UBR3: variants seen among roughly 807,000 people sequenced by gnomAD.
UBR3 encodes the protein E3 ubiquitin-protein ligase UBR3.
Under a neutral mutation model 243.2 loss-of-function variants are expected in UBR3, and 85 were observed. That is an observed-to-expected ratio of 0.35 (90% CI 0.29 to 0.42). The LOEUF is 0.42. Among genes scored for constraint, UBR3 ranks in the 10% least tolerant of loss-of-function variants. The pLI is 1.00. For synonymous variants in UBR3, 748 were observed against 799.8 expected (o/e 0.94, Z 1.09); for missense variants, 1,686 against 2,300.8 (o/e 0.73, Z 5.47).
rs1164239995 is a variant in UBR3 at position 169,896,750 on chromosome 2, T to C, written c.1465+15T>C. ...TGAGCTACAAGGTAACTCAGAATTA[T>C]ATTCACTAGTTCTATTATTATCAGT... On this transcript the variant is annotated intron_variant, in intron 8 of 38. Transcript: ENST00000272793. 2 of 1,511,934 alleles carry C rather than the reference T, an allele frequency of 1.3e-6. No homozygotes were observed. Among genetic ancestry groups the C allele is most frequent in the African/African-American group, 1.4e-5 (1 of 72,222 alleles). 93.7% of individuals were successfully genotyped at this position (1,511,934 alleles called of 1,614,324 possible).
intron 28 of UBR3, among the ~76,000 whole-genome samples, chr2:170,007,900 C>G (rs973772323): frequency 6.6e-6 from 1 of 151,650 alleles, no homozygotes; most frequent in African/African-American, 2.4e-5. Context: ...AAAAAACAAG[C>G]TATATATACT....
intron 8 of UBR3, 141 bp downstream of exon 8, chr2:169,896,876 T>C: frequency 1.8e-6 from 1 of 562,870 alleles, no homozygotes; most frequent in East Asian, 3.4e-5. Flanking sequence ...GTGAACTTTG[T>C]ATAACTAGTC....
rs2083585097 is a variant in UBR3 at position 169,875,782 on chromosome 2, T to C, written c.686-9T>C. 2 of 1,500,374 alleles carry C rather than the reference T, an allele frequency of 1.3e-6. No homozygotes were observed. The highest frequency in any genetic ancestry group is 1.8e-6 in the Non-Finnish European group (2 of 1,128,908). 92.9% of individuals were successfully genotyped at this position (1,500,374 alleles called of 1,614,324 possible). On this transcript the variant is annotated splice_polypyrimidine_tract_variant and intron_variant, in intron 2 of 38. Coordinates refer to ENST00000272793, the MANE Select transcript of UBR3 (RefSeq NM_172070.4). ...CCCTTATTTGATTTTTTTTCTTTTTTTCTTTTAGCAGCTGATGGACCATCA... is the reference window on the plus strand; with the variant it reads ...CCCTTATTTGATTTTTTTTCTTTTTCTCTTTTAGCAGCTGATGGACCATCA...
chr2:169,945,559 C>T (rs1300092686), intron 20 of UBR3, among the ~76,000 whole-genome samples: 1 of 152,212 alleles, frequency 6.6e-6, no homozygotes, highest in Non-Finnish European at 1.5e-5. Context: ...CTGCTGCCTA[C>T]AGAATTTCTT....
intron 7 of UBR3, 115 bp downstream of exon 7, chr2:169,895,426 G>A (rs545932678): frequency 5.9e-6 from 7 of 1,183,846 alleles, no homozygotes; most frequent in African/African-American, 3.2e-5. Flanking sequence ...CTATAAACAA[G>A]TGTTAGTTTC....
chr2:170,078,020 CCT>C, intron 36 of UBR3: 1 of 681,716 alleles, frequency 1.5e-6, no homozygotes, highest in South Asian at 1.4e-5. Context: ...TGAGGTTGTC[CCT>C]CTCTGTCCAG....
intron 29 of UBR3, among the ~76,000 whole-genome samples, chr2:170,010,292 T>C (rs1379460349): frequency 1.3e-5 from 2 of 152,214 alleles, no homozygotes; most frequent in Non-Finnish European, 2.9e-5. Flanking sequence ...ATATTGTGAT[T>C]ATAACATTGT....
intron 8 of UBR3, among the ~76,000 whole-genome samples, chr2:169,899,413 A>G (rs979025580): frequency 2.0e-5 from 3 of 152,094 alleles, no homozygotes; most frequent in Non-Finnish European, 4.4e-5. Flanking sequence ...TTTTTGAAAT[A>G]GTATCTGCTG....
intron 7 of UBR3, 100 bp from the exon 8 acceptor site, chr2:169,896,407 T>C (rs2084594682): frequency 1.5e-6 from 1 of 685,146 alleles, no homozygotes; most frequent in Non-Finnish European, 2.2e-6. Flanking sequence ...TTATTATAAA[T>C]TAGTAATAGC....
At chr2:170,076,072 C>T (rs544818082) in intron 36 of UBR3, among the ~76,000 whole-genome samples, 127 of 152,280 alleles carry the variant, frequency 8.3e-4, no homozygotes, top group African/African-American at 2.6e-3. Context: ...AACCATTTTC[C>T]TTCCTTTAAT....
At chr2:169,922,661 G>T in intron 11 of UBR3, among the ~76,000 whole-genome samples, 1 of 152,064 alleles carries the variant, frequency 6.6e-6, no homozygotes, top group East Asian at 1.9e-4. Context: ...TACGAATTTG[G>T]CTGCTCTAAG....
Position 169,896,577 on chromosome 2 carries a change from C to A in UBR3, c.1307C>A (p.Ser436Ter). 6.4e-7 allele frequency: 1 copy of A among 1,550,450 alleles called. No homozygotes were observed. The highest frequency in any genetic ancestry group is 1.2e-5 in the South Asian group (1 of 83,896). ...IMKTLKKSHE[S>*]DTMSNRIVHI... ...AAAACACTGAAGAAAAGTCATGAATCAGACACAATGTCTAACAGAATTGTG... is the reference window on the plus strand; with the variant it reads ...AAAACACTGAAGAAAAGTCATGAATAAGACACAATGTCTAACAGAATTGTG... Residue 436 changes from serine (S) to a stop codon, truncating the protein, a stop_gained, in exon 8 of 39, where the codon TCA (serine) becomes TAA (stop). Coordinates refer to ENST00000272793, the MANE Select transcript of UBR3 (RefSeq NM_172070.4). LOFTEE classifies it high-confidence loss of function.
At chr2:169,997,500 G>A (rs975809351) in intron 26 of UBR3, among the ~76,000 whole-genome samples, 10 of 152,016 alleles carry the variant, frequency 6.6e-5, no homozygotes, top group African/African-American at 2.2e-4. Context: ...GCCCCCAGAA[G>A]GGTCACAGCT....
intron 26 of UBR3, among the ~76,000 whole-genome samples, chr2:169,999,720 T>C (rs1472720766): frequency 6.6e-6 from 1 of 152,152 alleles, no homozygotes; most frequent in Non-Finnish European, 1.5e-5. Flanking sequence ...GAAAGAGATT[T>C]TAGGAGAATA....
intron 1 of UBR3, among the ~76,000 whole-genome samples, chr2:169,843,463 C>A (rs1231667325): frequency 6.6e-6 from 1 of 152,160 alleles, no homozygotes; most frequent in Non-Finnish European, 1.5e-5. Context: ...AGAGGGCAGA[C>A]CCCTAATGAT....
intron 23 of UBR3, among the ~76,000 whole-genome samples, chr2:169,955,905 C>T (rs2087264019): frequency 1.3e-5 from 2 of 151,318 alleles, no homozygotes; most frequent in Admixed American, 6.6e-5. Context: ...AACCCCAGTC[C>T]ATGTGTTTAT....
intron 11 of UBR3, among the ~76,000 whole-genome samples, chr2:169,919,022 G>C (rs1056861987): frequency 6.6e-6 from 1 of 152,150 alleles, no homozygotes; most frequent in Non-Finnish European, 1.5e-5. Flanking sequence ...CTTCTTAGTA[G>C]AAGTGTCAAC....
chr2:170,044,701 G>T lies in UBR3; in HGVS notation c.4660+3716G>T, dbSNP rs188196015. ...ATACTACTTGTTTTTCTTTCATGTA[G>T]AAAGAAGTGTGAAAGTAGGCAGGCC... On this transcript the variant is annotated intron_variant, in intron 32 of 38. Transcript: ENST00000272793. 2.6e-5 allele frequency among the ~76,000 whole-genome samples: 4 copies of T among 152,234 alleles called. No homozygotes were observed. In the East Asian group the frequency reaches 7.7e-4, roughly 29 times the overall value.
intron 1 of UBR3, among the ~76,000 whole-genome samples, chr2:169,833,679 A>G (rs1326692596): frequency 6.6e-6 from 1 of 152,244 alleles, no homozygotes; most frequent in Non-Finnish European, 1.5e-5. Flanking sequence ...AGTAAAAAGT[A>G]AAGGTGCCTT....
Sources: gnomAD v4.1 joint callset for allele counts (sites outside exome capture counted in the v4.1 genomes callset) on GRCh38, gnomAD v4.1.1 for gene constraint, MANE v1.5 for transcripts, NCBI Gene and HGNC (gene_info 2026-07-23, HGNC 2026-07-21) for gene names.